The following XKR6 variants were observed in gnomAD, a reference collection of about 807,000 sequenced individuals.
XKR6 encodes XK related 6.
XKR6 carries 22 observed loss-of-function variants against 56.7 expected under a neutral mutation model. The observed-to-expected ratio is 0.39, with a 90% CI of 0.28 to 0.55. The LOEUF is 0.55. Ranked by LOEUF, XKR6 falls within the 20% of genes least tolerant of loss-of-function variation. XKR6 has a pLI of 0.66. For missense variants in XKR6, 852 were observed against 889.0 expected, an observed-to-expected ratio of 0.96 and a Z score of 0.53; for synonymous variants, 524 against 387.8, an observed-to-expected ratio of 1.35 and a Z score of -4.13.
chr8:11,193,609 T>C (rs1481616786), intron 1 of XKR6, among the ~76,000 whole-genome samples: 1 of 152,060 alleles, frequency 6.6e-6, no homozygotes, highest in East Asian at 1.9e-4. Flanking sequence ...TTAACAGAAT[T>C]ATTTCCTAAA....
intron 1 of XKR6, among the ~76,000 whole-genome samples, chr8:11,118,737 G>T (rs6995204): frequency 0.47 from 71,870 of 151,838 alleles, 18,705 homozygotes; most frequent in African/African-American, 0.67. Context: ...CTATCAATTT[G>T]GCTGATCTTT....
chr8:11,115,868 T>A (rs1438454732), intron 1 of XKR6, among the ~76,000 whole-genome samples: 1 of 152,246 alleles, frequency 6.6e-6, no homozygotes, highest in Non-Finnish European at 1.5e-5. Flanking sequence ...GCTTATCTTC[T>A]ATAATTTTTC....
rs1251828662 is a variant in XKR6, at chr8:11,174,370, A to T, written c.764+26206T>A. Among the ~76,000 whole-genome samples the T allele has an allele frequency of 5.1e-4, 77 of 152,238 alleles. 2 individuals are homozygous for T. Among genetic ancestry groups the T allele is most frequent in the Admixed American group, 5.0e-3 (77 of 15,288 alleles). On this transcript the variant is annotated intron_variant, in intron 1 of 2. Coordinates refer to ENST00000416569, the MANE Select transcript of XKR6 (RefSeq NM_173683.4). ...TTTATTGTACCTCCCTTTCCAAAAC[A>T]GCTGCTCAACAGAATGTACTTGTGC...
At chr8:11,011,009 A>G (rs1222353493) in intron 1 of XKR6, among the ~76,000 whole-genome samples, 1 of 152,156 alleles carries the variant, frequency 6.6e-6, no homozygotes, top group East Asian at 1.9e-4. Flanking sequence ...TTGTCTCCGC[A>G]TCTCTCAGCA....
At chr8:10,984,732 C>CTCTCTCTCTCTATATA in intron 1 of XKR6, among the ~76,000 whole-genome samples, 12 of 47,486 alleles carry the variant, frequency 2.5e-4, no homozygotes, top group South Asian at 8.8e-4. Flanking sequence ...CTCTCTCTCT[C>CTCTCTCTCTCTATATA]TATATATATA....
chr8:10,908,240 C>A (rs781378299), intron 2 of XKR6, among the ~76,000 whole-genome samples: 2 of 152,138 alleles, frequency 1.3e-5, no homozygotes, highest in Non-Finnish European at 2.9e-5. Flanking sequence ...TGAAGGAAAT[C>A]GAAAATGCTC....
At chr8:10,905,642 C>T (rs1218454904) in intron 2 of XKR6, among the ~76,000 whole-genome samples, 1 of 152,202 alleles carries the variant, frequency 6.6e-6, no homozygotes, top group Non-Finnish European at 1.5e-5. Flanking sequence ...ACAACATCTC[C>T]CTCTTTCAAC....
intron 1 of XKR6, among the ~76,000 whole-genome samples, chr8:11,181,314 T>C (rs1159022352): frequency 6.6e-6 from 1 of 152,238 alleles, no homozygotes. Flanking sequence ...ATATAAGCAT[T>C]TTTAGATTCT....
At chr8:11,068,486 T>C (rs1216088983) in intron 1 of XKR6, among the ~76,000 whole-genome samples, 1 of 152,202 alleles carries the variant, frequency 6.6e-6, no homozygotes, top group Non-Finnish European at 1.5e-5. Context: ...CTGTTTTCCC[T>C]GCCATCTACT....
intron 1 of XKR6, among the ~76,000 whole-genome samples, chr8:10,927,163 G>C (rs1173548254): frequency 6.6e-6 from 1 of 152,192 alleles, no homozygotes; most frequent in Non-Finnish European, 1.5e-5. Context: ...CCCTGATGGA[G>C]GGTGATAGAA....
rs745997950 is a variant in XKR6, at chr8:10,924,621, G to C, written c.961+13C>G. 1 of 1,593,944 alleles carries C rather than the reference G, an allele frequency of 6.3e-7. No individual in the cohort carries two copies. Among genetic ancestry groups the C allele is most frequent in the South Asian group, 1.1e-5 (1 of 89,968 alleles). ...CAGGCCGGGGTGGCGGGGCGCGGCC[G>C]GCGGGCACTCACAGGGCAGGGTCTC... On this transcript the variant is annotated intron_variant, in intron 2 of 2. Coordinates refer to ENST00000416569, the MANE Select transcript of XKR6 (RefSeq NM_173683.4).
chr8:11,158,428 T>C (rs942914306), intron 1 of XKR6, among the ~76,000 whole-genome samples: 13 of 152,184 alleles, frequency 8.5e-5, no homozygotes, highest in Non-Finnish European at 1.5e-5. Flanking sequence ...CAGCTGAAAG[T>C]GCTAGGCAGG....
chr8:11,174,428 A>G (rs1802550933), intron 1 of XKR6, among the ~76,000 whole-genome samples: 1 of 152,220 alleles, frequency 6.6e-6, no homozygotes. Context: ...ATGTCCAGCT[A>G]ATGAAATCTT....
chr8:10,899,289 G>A (rs1420641435), intron 2 of XKR6, among the ~76,000 whole-genome samples: 1 of 152,234 alleles, frequency 6.6e-6, no homozygotes, highest in East Asian at 1.9e-4. Flanking sequence ...TGGCATTGGC[G>A]TCGCTGTCAC....
At chr8:11,056,711 G>T (rs1298148752) in intron 1 of XKR6, among the ~76,000 whole-genome samples, 1 of 152,212 alleles carries the variant, frequency 6.6e-6, no homozygotes, top group Admixed American at 6.5e-5. Context: ...GAAGTCTGAA[G>T]GGTGCTCATA....
At chr8:10,922,628 T>G (rs2129116444) in intron 2 of XKR6, among the ~76,000 whole-genome samples, 1 of 152,340 alleles carries the variant, frequency 6.6e-6, no homozygotes, top group East Asian at 1.9e-4. Context: ...CCATGTGTTT[T>G]CTCAGCGATC....
chr8:11,090,045 T>C (rs992243052), intron 1 of XKR6, among the ~76,000 whole-genome samples: 5 of 152,224 alleles, frequency 3.3e-5, no homozygotes, highest in Non-Finnish European at 7.3e-5. Flanking sequence ...TTGGACAGTA[T>C]TATAGTATTC....
intron 1 of XKR6, among the ~76,000 whole-genome samples, chr8:10,959,457 A>C (rs2129129927): frequency 6.6e-6 from 1 of 152,280 alleles, no homozygotes; most frequent in Middle Eastern, 3.4e-3. Flanking sequence ...TATTTCTCAC[A>C]ATTCTGGAGT....
intron 1 of XKR6, among the ~76,000 whole-genome samples, chr8:11,008,250 C>T (rs191708858): frequency 6.6e-6 from 1 of 152,300 alleles, no homozygotes; most frequent in Admixed American, 6.5e-5. Context: ...CCTCACTGGC[C>T]ACTTGGCTCC....
Sources: allele counts gnomAD v4.1 joint callset (sites outside exome capture counted in the v4.1 genomes callset), GRCh38; gene constraint gnomAD v4.1.1; transcripts MANE v1.5; gene names NCBI Gene and HGNC (gene_info 2026-07-23, HGNC 2026-07-21).